Variants in TTLL2 observed in about 807,000 individuals in gnomAD.
TTLL2 encodes the protein probable tubulin polyglutamylase TTLL2.
In TTLL2, 10 loss-of-function variants were observed where a neutral mutation model predicts 7.5. The ratio of observed to expected loss-of-function variants is 1.33; its 90% CI spans 0.82 to 2.25. TTLL2 has a LOEUF of 2.25. Ranked by LOEUF, TTLL2 falls within the 30% of genes most tolerant of loss-of-function variation. The pLI is 0.00. For synonymous variants in TTLL2, 284 were observed against 280.3 expected (o/e 1.01, Z -0.13); for missense variants, 733 against 735.7 (o/e 1.00, Z 0.04).
intron 2 of TTLL2, 32 bp downstream of exon 2, chr6:167,338,835 C>CTTT: frequency 7.4e-7 from 1 of 1,357,066 alleles, no homozygotes. Flanking sequence ...TTCCTTCCTT[C>CTTT]CTTCCTTCCT....
chr6:167,341,250 T>C lies in TTLL2; in HGVS notation c.1350T>C (p.Pro450=), dbSNP rs1303505070. The part of the protein sequence containing the change: ...AKSDRGGLDA[P]DCLPYDSLSF... ...GTGACAGAGGTGGGCTTGATGCTCC[T>C]GACTGTCTTCCTTATGATTCTCTTT... The change falls in exon 3 of 3, where the codon CCT becomes CCC. Residue 450 remains proline (P), a synonymous_variant. Transcript: ENST00000239587. The C allele has an allele frequency of 5.6e-6, 9 of 1,613,662 alleles. No homozygotes were observed. Among genetic ancestry groups the C allele is most frequent in the South Asian group, 5.5e-5 (5 of 91,074 alleles).
At position 167,338,874 on chromosome 6, in the gene TTLL2, CCTT is replaced by C. The variant is rs1314180489; in HGVS notation, c.204+75_204+77del. 9.3e-5 allele frequency: 66 copies of C among 707,250 alleles called. No homozygotes were observed. The East Asian group carries it at 1.1e-3, about 12-fold the overall frequency. The allele number at this position is 707,250 out of a possible 1,614,324, so 43.8% of individuals were successfully genotyped here. ...TTCCTTCCTTCCTTCCTTCTTTCCT[CCTT>C]CTTTTTTCCCCTCCCTCCCCTCTTC... On this transcript the variant is annotated intron_variant, in intron 2 of 2. Coordinates refer to ENST00000239587, the MANE Select transcript of TTLL2 (RefSeq NM_031949.5).
rs1779098144 is a variant in TTLL2 at position 167,341,525 on chromosome 6, T to C, written c.1625T>C (p.Leu542Pro). 1.2e-6 allele frequency: 2 copies of C among 1,614,086 alleles called. No individual in the cohort carries two copies. The highest frequency in any genetic ancestry group is 1.7e-5 in the Admixed American group (1 of 60,008). Residue 542 changes from leucine (L) to proline (P), a missense_variant, in exon 3 of 3, where the codon CTG becomes CCG. Coordinates refer to ENST00000239587, the MANE Select transcript of TTLL2 (RefSeq NM_031949.5). ...AAGACCAAGACCTCCCCGTGTGTCC[T>C]GTCAGACCGTGGCAAAGCTCCAGAT... is the stretch of plus-strand genomic sequence containing the variant. ...SCKTKTSPCV[L>P]SDRGKAPDPQ...
intron 1 of TTLL2, among the ~76,000 whole-genome samples, chr6:167,329,754 T>C (rs961424743): frequency 6.6e-6 from 1 of 152,172 alleles, no homozygotes; most frequent in Non-Finnish European, 1.5e-5. Flanking sequence ...TGCAATCAAG[T>C]GCCCCAGACC....
rs113348078 is a variant in TTLL2 at position 167,326,695 on chromosome 6, T to C, written c.47+1475T>C. On this transcript the variant is annotated intron_variant, in intron 1 of 2. Coordinates refer to ENST00000239587, the MANE Select transcript of TTLL2 (RefSeq NM_031949.5). Reference sequence around the variant, plus strand: ...TTGAATGTGGCCCAACACAAATTTGTAAACTTTCTTAAAACATCATGAATT... The same window carrying C: ...TTGAATGTGGCCCAACACAAATTTGCAAACTTTCTTAAAACATCATGAATT... Among the ~76,000 whole-genome samples the C allele has an allele frequency of 3.3e-3, 500 of 152,308 alleles. 3 individuals carry two copies. The highest frequency in any genetic ancestry group is 0.011 in the African/African-American group (466 of 41,560).
In TTLL2 at chr6:167,342,144, G is replaced by C. The variant is rs1240112155; in HGVS notation, c.*465G>C. On this transcript the variant is annotated 3_prime_UTR_variant, in exon 3 of 3. Transcript: ENST00000239587. ...TAACTTAAGATCAGACAATCATTCA[G>C]AGTGAGATAAATCACTGAAAGCCCT... Among the ~76,000 whole-genome samples, 1 of 152,144 alleles carries C rather than the reference G, an allele frequency of 6.6e-6. No individual in the cohort carries two copies. The highest frequency in any genetic ancestry group is 1.9e-4 in the East Asian group (1 of 5,184).
At chr6:167,330,905 G>A (rs1778911326) in intron 1 of TTLL2, among the ~76,000 whole-genome samples, 1 of 152,136 alleles carries the variant, frequency 6.6e-6, no homozygotes, top group Non-Finnish European at 1.5e-5. Flanking sequence ...CTTCTGCAGT[G>A]CACAACACTG....
rs893229881 is a variant in TTLL2 at position 167,325,293 on chromosome 6, C to T, written c.47+73C>T. On this transcript the variant is annotated intron_variant, in intron 1 of 2. Coordinates refer to ENST00000239587, the MANE Select transcript of TTLL2 (RefSeq NM_031949.5). ...GCCTCTGTTCCAGGACCAGCCCCTT[C>T]CCGAGAGCACAGGGGCCAGGGTCAC... The T allele has an allele frequency of 2.1e-6, 3 of 1,407,426 alleles. No individual in the cohort carries two copies. In the Admixed American group the frequency reaches 7.9e-5, roughly 37 times the overall value. 87.2% of individuals were successfully genotyped at this position (1,407,426 alleles called of 1,614,324 possible).
At chr6:167,326,877 G>A (rs59072783) in intron 1 of TTLL2, among the ~76,000 whole-genome samples, 3,572 of 152,198 alleles carry the variant, frequency 0.023, 149 homozygotes, top group African/African-American at 0.079. Flanking sequence ...AATGACCACC[G>A]CAAGTCTCAA....
intron 1 of TTLL2, among the ~76,000 whole-genome samples, chr6:167,336,706 C>A (rs1439237967): frequency 6.6e-6 from 1 of 152,104 alleles, no homozygotes; most frequent in Non-Finnish European, 1.5e-5. Flanking sequence ...CGGCCTCACC[C>A]GTGCAGAACT....
Position 167,342,580 on chromosome 6 carries a change from G to A in TTLL2, c.*901G>A, listed in dbSNP as rs1453898593. Reference sequence around the variant, plus strand: ...CCCTTTGGGGTGACAGAAATGTTCTGGAACTATATAGAGGTGATGGTTGCA... The same window carrying A: ...CCCTTTGGGGTGACAGAAATGTTCTAGAACTATATAGAGGTGATGGTTGCA... On this transcript the variant is annotated 3_prime_UTR_variant, in exon 3 of 3. Coordinates refer to ENST00000239587, the MANE Select transcript of TTLL2 (RefSeq NM_031949.5). 6.6e-6 allele frequency among the ~76,000 whole-genome samples: 1 copy of A among 152,126 alleles called. No individual in the cohort carries two copies. The highest frequency in any genetic ancestry group is 1.9e-4 in the East Asian group (1 of 5,194).
chr6:167,325,610 C>T (rs1020016862), intron 1 of TTLL2, among the ~76,000 whole-genome samples: 3 of 152,100 alleles, frequency 2.0e-5, no homozygotes, highest in Non-Finnish European at 2.9e-5. Context: ...ATTGAATGGC[C>T]GCTGTGCTCT....
In TTLL2 at chr6:167,341,910, G is replaced by A. The variant is rs76006598; in HGVS notation, c.*231G>A. 9.2e-3 allele frequency: 4,745 copies of A among 513,744 alleles called. 200 individuals carry two copies. The highest frequency in any genetic ancestry group is 0.081 in the African/African-American group (4,227 of 51,916). 31.8% of individuals were successfully genotyped at this position (513,744 alleles called of 1,614,324 possible). A position where few individuals can be genotyped will look rare whatever the true frequency, so the allele number is the denominator to read the frequency against. ...CCATGTTTATTTGCTCAGGTGTCTTGAAAGAATTCTACAAATACCACACAG... is the reference window on the plus strand; with the variant it reads ...CCATGTTTATTTGCTCAGGTGTCTTAAAAGAATTCTACAAATACCACACAG... On this transcript the variant is annotated 3_prime_UTR_variant, in exon 3 of 3. Transcript: ENST00000239587.
chr6:167,336,689 G>C (rs3010556), intron 1 of TTLL2, among the ~76,000 whole-genome samples: 83,771 of 151,812 alleles, frequency 0.55, 23,549 homozygotes, highest in East Asian at 0.76. Context: ...GTTCCAGAAC[G>C]GGGGCTCGGC....
At chr6:167,330,828 G>A (rs969777528) in intron 1 of TTLL2, among the ~76,000 whole-genome samples, 2 of 152,162 alleles carry the variant, frequency 1.3e-5, no homozygotes, top group Non-Finnish European at 2.9e-5. Context: ...AGGGCAGTGA[G>A]GGAGAGCGTT....
chr6:167,334,545 A>T (rs112093524), intron 1 of TTLL2, among the ~76,000 whole-genome samples: 2 of 151,694 alleles, frequency 1.3e-5, no homozygotes, highest in Non-Finnish European at 2.9e-5. Context: ...AAGCTGGAGG[A>T]ATCACACTAC....
At chr6:167,338,827 C>CCTT in intron 2 of TTLL2, 24 bp downstream of exon 2, 1 of 1,215,836 alleles carries the variant, frequency 8.2e-7, no homozygotes, top group Non-Finnish European at 1.1e-6. Context: ...CCAGGTAGTT[C>CCTT]CTTCCTTCCT....
At chr6:167,328,471 T>A (rs541683608) in intron 1 of TTLL2, 47 of 250,662 alleles carry the variant, frequency 1.9e-4, no homozygotes, top group African/African-American at 1.0e-3. Flanking sequence ...ATTGGAATGC[T>A]GTCTATGCCC....
intron 1 of TTLL2, among the ~76,000 whole-genome samples, chr6:167,333,733 G>C: frequency 2.3e-5 from 1 of 43,582 alleles, no homozygotes; most frequent in Non-Finnish European, 4.0e-5. Context: ...TTTGCGTAGA[G>C]GTGTTTGTAG....
Sources: allele counts gnomAD v4.1 joint callset (sites outside exome capture counted in the v4.1 genomes callset), GRCh38; gene constraint gnomAD v4.1.1; transcripts MANE v1.5; gene names NCBI Gene and HGNC (gene_info 2026-07-23, HGNC 2026-07-21).